Variants in DOC2A observed in about 807,000 individuals in gnomAD.
The protein encoded by DOC2A is double C2 domain alpha.
DOC2A carries 28 observed loss-of-function variants against 40.6 expected under a neutral mutation model. The ratio of observed to expected loss-of-function variants is 0.69; its 90% CI spans 0.51 to 0.95. The LOEUF (loss-of-function observed/expected upper bound fraction) is 0.95, where lower values mean the gene tolerates loss of function less well. DOC2A is among the 40% of genes least tolerant of loss of function. The pLI is 0.00. For missense variants in DOC2A, 474 were observed against 552.5 expected (o/e 0.86, Z 1.42); for synonymous variants, 241 against 236.9 (o/e 1.02, Z -0.16).
At chr16:30,016,049 ATATATAT>A (rs1320110770), upstream of DOC2A, among the ~76,000 whole-genome samples, 8 of 22,526 alleles carry the variant, frequency 3.6e-4, no homozygotes, top group African/African-American at 7.4e-4. Flanking sequence ...ATATATATAT[ATATATAT>A]TTTTTTTTTT....
upstream of DOC2A, among the ~76,000 whole-genome samples, chr16:30,012,977 G>A (rs1410591057): frequency 6.6e-6 from 1 of 151,628 alleles, no homozygotes; most frequent in Non-Finnish European, 1.5e-5. Context: ...GGCTGTAAGA[G>A]CAAAACTCAG....
chr16:30,021,441 A>AGAGATGG (rs1370530774), upstream of DOC2A: 2 of 152,252 alleles, frequency 1.3e-5, no homozygotes, highest in African/African-American at 4.8e-5. Context: ...GGGAGGTGGC[A>AGAGATGG]GAGATGGGAG....
chr16:30,007,586 G>T (rs74392299), intron 5 of DOC2A: 162 of 483,418 alleles, frequency 3.4e-4, no homozygotes, highest in African/African-American at 3.0e-3. Context: ...GGCAGGAGCC[G>T]AACACCACGG....
chr16:30,010,088 G>A lies in DOC2A; in HGVS notation c.135C>T (p.Gly45=), dbSNP rs374892903. The change falls in exon 2 of 11, where the codon GGC becomes GGT. Residue 45 remains glycine (G), a synonymous_variant. Coordinates refer to ENST00000350119, the MANE Select transcript of DOC2A (RefSeq NM_003586.3). This position sits in a 1 kb window ranked among gnomAD's most constrained non-coding sequence, Gnocchi z 4.2. ...YFPRGPGPEG[G]GGGGGEAPAH... ...CGGGGGCCTCCCCGCCGCCCCCGCC[G>A]CCCCCTTCAGGTCCTGGTCCCCGGG... 25 of 1,612,156 alleles carry A rather than the reference G, an allele frequency of 1.6e-5. No individual in the cohort carries two copies. In the African/African-American group the frequency reaches 2.0e-4, roughly 13 times the overall value.
chr16:30,007,410 G>T, intron 5 of DOC2A, 111 bp from the exon 6 acceptor site: 1 of 1,482,440 alleles, frequency 6.7e-7, no homozygotes. Flanking sequence ...GTCTCATCTG[G>T]AAGACAGGCT....
chr16:30,017,413 T>G (rs1418432698), intron 1 of DOC2A, among the ~76,000 whole-genome samples: 1 of 152,120 alleles, frequency 6.6e-6, no homozygotes, highest in East Asian at 1.9e-4. Flanking sequence ...AACAGTGGAC[T>G]GGATAAAGAA....
rs200685888 is a variant in DOC2A at position 30,010,063 on chromosome 16, C to A, written c.160G>T (p.Ala54Ser). Reference protein sequence around the residue: ...GGGGGGGEAPAHLVPLALAPP... With the variant: ...GGGGGGGEAPSHLVPLALAPP... ...GCCAGAGCCAGGGGGACCAGATGGG[C>A]GGGGGCCTCCCCGCCGCCCCCGCCG... The change falls in exon 2 of 11, where the codon GCC becomes TCC. Residue 54 changes from alanine to serine, a missense_variant. Coordinates refer to ENST00000350119, the MANE Select transcript of DOC2A (RefSeq NM_003586.3). The surrounding 1 kb of genome is among the most constrained non-coding windows in gnomAD (Gnocchi z 4.2). 3.7e-6 allele frequency: 6 copies of A among 1,607,402 alleles called. No homozygotes were observed. Among genetic ancestry groups the A allele is most frequent in the Non-Finnish European group, 5.1e-6 (6 of 1,176,386 alleles).
At chr16:30,020,574 C>T (rs917706909) in intron 1 of DOC2A, among the ~76,000 whole-genome samples, 2 of 151,852 alleles carry the variant, frequency 1.3e-5, no homozygotes, top group East Asian at 2.0e-4. Flanking sequence ...TGGGCGCAGT[C>T]GCACACGCCT....
rs749009321 is a variant in DOC2A at position 30,007,057 on chromosome 16, T to G, written c.688A>C (p.Arg230=). 7 of 1,613,616 alleles carry G rather than the reference T, an allele frequency of 4.3e-6. No individual in the cohort carries two copies. The highest frequency in any genetic ancestry group is 5.9e-6 in the Non-Finnish European group (7 of 1,179,914). The part of the protein sequence containing the change: ...ASPSSMSAAL[R]GISCYLKELE... ...TCCTTCAGATAACAGGAGATGCCCC[T>G]CAGCGCCGCTGACATGGAAGAGGGG... is the stretch of plus-strand genomic sequence containing the variant. The change falls in exon 7 of 11, where the codon AGG becomes CGG. Residue 230 remains arginine, a synonymous_variant. Coordinates refer to ENST00000350119, the MANE Select transcript of DOC2A (RefSeq NM_003586.3).
chr16:30,013,254 CT>C (rs1332005140), upstream of DOC2A, among the ~76,000 whole-genome samples: 1 of 138,094 alleles, frequency 7.2e-6, no homozygotes, highest in Non-Finnish European at 1.6e-5. Flanking sequence ...GATCTCTCTT[CT>C]TTTTTTTTCT....
At position 30,009,030 on chromosome 16, in the gene DOC2A, T is replaced by C; in HGVS notation, c.493A>G (p.Ile165Val). 1 of 1,613,992 alleles carries C rather than the reference T, an allele frequency of 6.2e-7. No individual in the cohort carries two copies. The highest frequency in any genetic ancestry group is 8.5e-7 in the Non-Finnish European group (1 of 1,180,000). ...VWNEDLTYSG[I>V]TDDDITHKVL... is the part of the protein sequence containing the mutation. ...TTGTGCGTGATGTCGTCATCTGTGA[T>C]CCCGCTGTAAGTCAGGTCCTCATTC... Residue 165 changes from isoleucine (I) to valine (V), a missense_variant, in exon 5 of 11, where the codon ATC becomes GTC. Physicochemically the swap from Ile to Val is conservative, Grantham distance 29 (BLOSUM62 3). Transcript: ENST00000350119. The surrounding 1 kb of genome is among the most constrained non-coding windows in gnomAD (Gnocchi z 4.1).
At chr16:30,018,249 C>G (rs1208136349) in intron 1 of DOC2A, among the ~76,000 whole-genome samples, 1 of 148,236 alleles carries the variant, frequency 6.7e-6, no homozygotes, top group Non-Finnish European at 1.5e-5. Context: ...CACTGCACTC[C>G]AGCCTGGGCA....
In DOC2A at chr16:30,005,770, GT is replaced by G. The variant is rs2070560899; in HGVS notation, c.*415del. The G allele has an allele frequency of 4.2e-6, 2 of 474,012 alleles. No individual in the cohort carries two copies. The allele number at this position is 474,012 out of a possible 1,614,324, so 29.4% of individuals were successfully genotyped here. On this transcript the variant is annotated 3_prime_UTR_variant, in exon 11 of 11. Coordinates refer to ENST00000350119, the MANE Select transcript of DOC2A (RefSeq NM_003586.3). ...GCTAGGTTTTTTCAATGAAGTTTCT[GT>G]ATTAAAGGAGTGGCTCTGGGTTTGT...
Position 30,009,298 on chromosome 16 carries a change from A to G in DOC2A, c.343-22T>C. 3 of 1,549,510 alleles carry G rather than the reference A, an allele frequency of 1.9e-6. No individual in the cohort carries two copies. The African/African-American group carries it at 4.1e-5, about 21-fold the overall frequency. On this transcript the variant is annotated intron_variant, in intron 3 of 10. Coordinates refer to ENST00000350119, the MANE Select transcript of DOC2A (RefSeq NM_003586.3). This position sits in a 1 kb window ranked among gnomAD's most constrained non-coding sequence, Gnocchi z 4.1. The stretch of plus-strand genomic sequence containing the variant: ...GGCCCTGGAGAGGAGGGCAGGGGAG[A>G]GGGCTAGAGGCTCCCGGCACCTCTC...
At position 30,010,423 on chromosome 16, in the gene DOC2A, C is replaced by T. The variant is rs2070747999; in HGVS notation, c.-13-188G>A. 1.3e-6 allele frequency: 1 copy of T among 753,552 alleles called. No individual in the cohort carries two copies. Among genetic ancestry groups the T allele is most frequent in the South Asian group, 1.6e-5 (1 of 61,582 alleles). 46.7% of individuals were successfully genotyped at this position (753,552 alleles called of 1,614,324 possible). A position where few individuals can be genotyped will look rare whatever the true frequency, so the allele number is the denominator to read the frequency against. On this transcript the variant is annotated intron_variant, in intron 1 of 10. Transcript: ENST00000350119. The surrounding 1 kb of genome is among the most constrained non-coding windows in gnomAD (Gnocchi z 4.2). ...CCCTGCAGACCCCAAGCTGACTCCA[C>T]AGGGGCTGGGCTGCCAACCCACTCC...
At chr16:30,012,281 C>A (rs1315821858), upstream of DOC2A, 1 of 152,190 alleles carries the variant, frequency 6.6e-6, no homozygotes, top group Non-Finnish European at 1.5e-5. Flanking sequence ...CCCGCACTGC[C>A]CCTCAGCTCC....
At chr16:30,019,715 G>GC (rs1214542567) in intron 1 of DOC2A, among the ~76,000 whole-genome samples, 2 of 152,138 alleles carry the variant, frequency 1.3e-5, no homozygotes, top group Non-Finnish European at 2.9e-5. Context: ...TGGGGCACGA[G>GC]CCCTGGCCCA....
chr16:30,021,595 T>C (rs1223615424), upstream of DOC2A: 2 of 152,080 alleles, frequency 1.3e-5, no homozygotes, highest in African/African-American at 2.4e-5. Flanking sequence ...CCGACGGCCA[T>C]TCCCAGCCAT....
chr16:30,009,368 G>A lies in DOC2A; in HGVS notation c.343-92C>T, dbSNP rs1596703825. ...TGGACCCTGGAGGAGCCCAGAAGGA[G>A]GGGGCAAGGGCAGGACGAAGGAGCA... is the stretch of plus-strand genomic sequence containing the variant. On this transcript the variant is annotated intron_variant, in intron 3 of 10. Transcript: ENST00000350119. This position sits in a 1 kb window ranked among gnomAD's most constrained non-coding sequence, Gnocchi z 4.1. The A allele has an allele frequency of 4.0e-6, 6 of 1,487,880 alleles. No homozygotes were observed. The East Asian group carries it at 9.8e-5, about 24-fold the overall frequency. 92.2% of individuals were successfully genotyped at this position (1,487,880 alleles called of 1,614,324 possible).
Sources: allele counts gnomAD v4.1 joint callset (sites outside exome capture counted in the v4.1 genomes callset), GRCh38; gene constraint gnomAD v4.1.1; non-coding constraint Gnocchi (gnomAD v3.1); transcripts MANE v1.5; gene names NCBI Gene and HGNC (gene_info 2026-07-23, HGNC 2026-07-21).